COL20A1: variants seen among roughly 807,000 people sequenced by gnomAD.
COL20A1 encodes collagen type XX alpha 1 chain, also known as collagen alpha-1(XX) chain.
In COL20A1, 164 loss-of-function variants were observed where a neutral mutation model predicts 152.9. The ratio of observed to expected loss-of-function variants is 1.07; its 90% CI spans 0.94 to 1.22. The LOEUF (loss-of-function observed/expected upper bound fraction) is 1.22. Among genes scored for constraint, COL20A1 ranks in the 50% most tolerant of loss-of-function variants. The pLI is 0.00. For synonymous variants in COL20A1, 864 were observed against 756.0 expected (o/e 1.14, Z -2.34); for missense variants, 1,873 against 1,744.8 (o/e 1.07, Z -1.31).
At chr20:63,322,871 C>T (rs899325493) in intron 27 of COL20A1, among the ~76,000 whole-genome samples, 2 of 152,244 alleles carry the variant, frequency 1.3e-5, no homozygotes, top group Non-Finnish European at 2.9e-5. Flanking sequence ...CGGGGCTGTC[C>T]TTTTGCACCT....
At chr20:63,327,735 G>A (rs2068272652) in intron 31 of COL20A1, 1 of 595,258 alleles carries the variant, frequency 1.7e-6, no homozygotes, top group Non-Finnish European at 3.0e-6. Flanking sequence ...CCCCACTCAG[G>A]ACTCTGCTGC....
intron 27 of COL20A1, among the ~76,000 whole-genome samples, chr20:63,323,697 T>G (rs1315804148): frequency 6.6e-6 from 1 of 152,184 alleles, no homozygotes; most frequent in Non-Finnish European, 1.5e-5. Flanking sequence ...GATGCTCCAG[T>G]CTGTCCCGTT....
At chr20:63,294,077 TG>T (rs1251998700) in intron 1 of COL20A1, among the ~76,000 whole-genome samples, 2 of 28,136 alleles carry the variant, frequency 7.1e-5, no homozygotes, top group East Asian at 2.0e-3. Context: ...CCCGAGTTGG[TG>T]CGTGGGGTGA....
chr20:63,320,160 T>C lies in COL20A1; in HGVS notation c.3038T>C (p.Leu1013Pro). The change falls in exon 24 of 36, where the codon CTG becomes CCG. Residue 1013 changes from leucine to proline, a missense_variant. By Grantham distance (98) the Leu-to-Pro change is moderately conservative. Transcript: ENST00000358894. ...GCGGGCTTCGTCACGCTGGGGAGGC[T>C]GGCCAAGGCCAGGGGCCCCCGGAGC... ...PAAGFVTLGR[L>P]AKARGPRSSS... 1 of 1,555,436 alleles carries C rather than the reference T, an allele frequency of 6.4e-7. No individual in the cohort carries two copies. Among genetic ancestry groups the C allele is most frequent in the Non-Finnish European group, 8.7e-7 (1 of 1,151,516 alleles).
chr20:63,310,223 C>T (rs954710764), intron 10 of COL20A1, among the ~76,000 whole-genome samples, 158 bp from the exon 11 acceptor site: 1 of 152,098 alleles, frequency 6.6e-6, no homozygotes, highest in African/African-American at 2.4e-5. Flanking sequence ...GTGGGCCTGG[C>T]ACTGCTCTGT....
intron 3 of COL20A1, among the ~76,000 whole-genome samples, chr20:63,302,506 A>G (rs927093426): frequency 6.6e-6 from 1 of 152,178 alleles, no homozygotes; most frequent in African/African-American, 2.4e-5. Context: ...CTTTTAGTAG[A>G]GACGGGGTTT....
intron 21 of COL20A1, among the ~76,000 whole-genome samples, chr20:63,317,841 A>G (rs2068104709): frequency 6.6e-6 from 1 of 150,686 alleles, no homozygotes; most frequent in Non-Finnish European, 1.5e-5. Flanking sequence ...CTCTTCCTCC[A>G]TGGCCTCAGG....
In COL20A1 at chr20:63,308,017, C is replaced by T. The variant is rs369163909; in HGVS notation, c.702C>T (p.Asn234=). The change falls in exon 7 of 36, where the codon AAC becomes AAT. Residue 234 remains asparagine (N), a synonymous_variant. Transcript: ENST00000358894. ...ATGCTCAGACTGAGTGGGACCTGAA[C>T]TCCCTCAGCACCAAGGAACAGGTGC... ...SGDAQTEWDL[N]SLSTKEQVLA... 5 of 1,612,636 alleles carry T rather than the reference C, an allele frequency of 3.1e-6. No individual in the cohort carries two copies. Among genetic ancestry groups the T allele is most frequent in the African/African-American group, 1.3e-5 (1 of 75,042 alleles).
At chr20:63,318,428 A>G (rs1210685067) in intron 21 of COL20A1, among the ~76,000 whole-genome samples, 19 of 152,080 alleles carry the variant, frequency 1.2e-4, no homozygotes, top group Non-Finnish European at 1.5e-5. Context: ...CCCCGATTCT[A>G]TCAGAGGCCC....
rs963620379 is a variant in COL20A1 at position 63,308,485 on chromosome 20, G to A, written c.776-57G>A. The A allele has an allele frequency of 6.5e-5, 95 of 1,454,824 alleles. No homozygotes were observed. The Admixed American group carries it at 7.4e-4, about 11-fold the overall frequency. The allele number at this position is 1,454,824 out of a possible 1,614,324, so 90.1% of individuals were successfully genotyped here. On this transcript the variant is annotated intron_variant, in intron 7 of 35. Transcript: ENST00000358894. ...CTCTGCTGTCCGGTTGCTGCCAGCC[G>A]AGCACCAGGAGGGGATGCTGGCAGC...
At chr20:63,310,853 G>A (rs1438079230) in intron 11 of COL20A1, among the ~76,000 whole-genome samples, 12 of 152,110 alleles carry the variant, frequency 7.9e-5, no homozygotes, top group Non-Finnish European at 1.6e-4. Context: ...GGACTGCCAT[G>A]AGCCCGTCTG....
chr20:63,308,158 C>T (rs554536635), intron 7 of COL20A1, 68 bp downstream of exon 7: 23 of 1,577,498 alleles, frequency 1.5e-5, no homozygotes, highest in East Asian at 9.1e-5. Context: ...TCCCAGATCC[C>T]GAAAGCTTGT....
rs1013490178 is a variant in COL20A1, at chr20:63,334,351, T to G, written c.*3635T>G. 6.6e-6 allele frequency: 1 copy of G among 152,238 alleles called. No homozygotes were observed. The highest frequency in any genetic ancestry group is 1.5e-5 in the Non-Finnish European group (1 of 68,040). 9.4% of individuals were successfully genotyped at this position (152,238 alleles called of 1,614,324 possible). A position where few individuals can be genotyped will look rare whatever the true frequency, so the allele number is the denominator to read the frequency against. On this transcript the variant is annotated 3_prime_UTR_variant, in exon 36 of 36. Coordinates refer to ENST00000358894, the MANE Select transcript of COL20A1 (RefSeq NM_020882.4). Reference sequence around the variant, plus strand: ...TGATGGATGCAGCGCCACGTCAGAATCTCTGTGCTGCAGCTGCAGTGGTAC... The same window carrying G: ...TGATGGATGCAGCGCCACGTCAGAAGCTCTGTGCTGCAGCTGCAGTGGTAC...
chr20:63,313,786 G>A lies in COL20A1; in HGVS notation c.2253G>A (p.Ser751=), dbSNP rs372563080. Residue 751 remains serine (S), a synonymous_variant, in exon 18 of 36, where the codon TCG becomes TCA. Transcript: ENST00000358894. The surrounding 1 kb of genome is among the most constrained non-coding windows in gnomAD (Gnocchi z 5.9). ...CACCCTCCAACCTGGCCCTGGCCTC[G>A]GAGACCCCCGACAGCCTGCAGGTCA... The part of the protein sequence containing the change: ...RSPPSNLALA[S]ETPDSLQVSW... 88 of 1,609,558 alleles carry A rather than the reference G, an allele frequency of 5.5e-5. No homozygotes were observed. Among genetic ancestry groups the A allele is most frequent in the East Asian group, 8.9e-5 (4 of 44,834 alleles).
rs1312687913 is a variant in COL20A1, at chr20:63,322,063, C to G, written c.3246C>G (p.Leu1082=). The G allele has an allele frequency of 1.3e-6, 2 of 1,507,504 alleles. No individual in the cohort carries two copies. Among genetic ancestry groups the G allele is most frequent in the Non-Finnish European group, 1.8e-6 (2 of 1,131,646 alleles). 93.4% of individuals were successfully genotyped at this position (1,507,504 alleles called of 1,614,324 possible). The change falls in exon 27 of 36, where the codon CTC becomes CTG. Residue 1082 remains leucine (L), a synonymous_variant. Coordinates refer to ENST00000358894, the MANE Select transcript of COL20A1 (RefSeq NM_020882.4). ...GPPGPQGPPG[L]PGRNGTPGEQ... is the part of the protein sequence containing the mutation. ...CCCTGTTTGTGCCTCTGCAGGGCCT[C>G]CCTGGGAGGAATGGCACCCCAGGAG...
At chr20:63,326,894 C>T (rs530502232) in intron 31 of COL20A1, 71 bp downstream of exon 31, 1 of 1,108,064 alleles carries the variant, frequency 9.0e-7, no homozygotes, top group Non-Finnish European at 1.2e-6. Flanking sequence ...CCACATGCAA[C>T]CACTCAGGGA....
At position 63,313,053 on chromosome 20, in the gene COL20A1, GC is replaced by G; in HGVS notation, c.2077-61del. 6.4e-7 allele frequency: 1 copy of G among 1,560,524 alleles called. No homozygotes were observed. Among genetic ancestry groups the G allele is most frequent in the Non-Finnish European group, 8.7e-7 (1 of 1,151,568 alleles). The stretch of plus-strand genomic sequence containing the variant: ...CCCTGTCTCCCAGGGATGCCTCACT[GC>G]CCGGCCCCCCAACCTGAGGACCCCA... On this transcript the variant is annotated intron_variant, in intron 16 of 35. Transcript: ENST00000358894. The surrounding 1 kb of genome is among the most constrained non-coding windows in gnomAD (Gnocchi z 5.9).
chr20:63,297,420 AGGGGACTTAGCTCAGGGGACCCAGCCC>A (rs1465434415), intron 2 of COL20A1, among the ~76,000 whole-genome samples: 4 of 150,744 alleles, frequency 2.7e-5, no homozygotes, highest in African/African-American at 9.8e-5. Context: ...GCCCCAGCCC[AGGGGACTTAGCTCAGGGGACCCAGCCC>A]GGGGACTCAG....
chr20:63,326,073 C>T lies in COL20A1; in HGVS notation c.3403-23C>T, dbSNP rs200919177. ...GGGTACAGGTACAAACCCCACCCAG[C>T]TTGCGCCTTCCTTTGCCATCAGGGA... On this transcript the variant is annotated intron_variant, in intron 29 of 35. Transcript: ENST00000358894. 1.7e-4 allele frequency: 276 copies of T among 1,610,880 alleles called. No individual in the cohort carries two copies. In the African/African-American group the frequency reaches 3.3e-3, roughly 19 times the overall value.
Sources: allele counts gnomAD v4.1 joint callset (sites outside exome capture counted in the v4.1 genomes callset), GRCh38; gene constraint gnomAD v4.1.1; non-coding constraint Gnocchi (gnomAD v3.1); transcripts MANE v1.5; gene names NCBI Gene and HGNC (gene_info 2026-07-23, HGNC 2026-07-21).